Variants in SIM1 observed in about 807,000 individuals in gnomAD.
SIM1 encodes single-minded homolog 1.
A neutral mutation model predicts 78.2 loss-of-function variants in SIM1; 18 were observed. The observed-to-expected ratio is 0.23, with a 90% CI of 0.16 to 0.34. The LOEUF (loss-of-function observed/expected upper bound fraction) is 0.34, where lower values mean the gene tolerates loss of function less well. Ranked by LOEUF, SIM1 falls within the 10% of genes least tolerant of loss-of-function variation. The probability of loss-of-function intolerance (pLI) is 1.00; values close to 1 mark genes in which losing one functional copy is unlikely to be tolerated. For synonymous variants in SIM1, 417 were observed against 385.2 expected, an observed-to-expected ratio of 1.08 and a Z score of -0.97; for missense variants, 939 against 975.1, an observed-to-expected ratio of 0.96 and a Z score of 0.49.
At chr6:100,450,793 T>C (rs2114544349) in intron 3 of SIM1, among the ~76,000 whole-genome samples, 1 of 151,322 alleles carries the variant, frequency 6.6e-6, no homozygotes, top group South Asian at 2.1e-4. Flanking sequence ...TAGCAGGGTT[T>C]GGGAATAGCA....
At chr6:100,447,457 C>T (rs1287537495) in intron 8 of SIM1, 42 bp from the exon 9 acceptor site, 2 of 1,612,610 alleles carry the variant, frequency 1.2e-6, no homozygotes, top group South Asian at 2.2e-5. Context: ...AACCAGCCTG[C>T]CTGGGACTGG....
At chr6:100,433,617 C>T (rs1251913052) in intron 9 of SIM1, among the ~76,000 whole-genome samples, 2 of 151,632 alleles carry the variant, frequency 1.3e-5, no homozygotes, top group African/African-American at 4.9e-5. Flanking sequence ...GCATGCCATC[C>T]CAGCTACTCC....
intron 10 of SIM1, among the ~76,000 whole-genome samples, chr6:100,406,451 G>A (rs1771052567): frequency 6.6e-6 from 1 of 152,124 alleles, no homozygotes; most frequent in African/African-American, 2.4e-5. Flanking sequence ...CTAGAACTAG[G>A]CCAGCAGATT....
chr6:100,420,197 A>G (rs572497986), intron 10 of SIM1, among the ~76,000 whole-genome samples: 1 of 152,164 alleles, frequency 6.6e-6, no homozygotes, highest in Admixed American at 6.5e-5. Context: ...CAGGAATCCT[A>G]TTTGTACCTT....
intron 2 of SIM1, among the ~76,000 whole-genome samples, chr6:100,457,317 G>A (rs1051171063): frequency 6.6e-6 from 1 of 152,188 alleles, no homozygotes; most frequent in African/African-American, 2.4e-5. Context: ...TAATTGAGGT[G>A]CCTTGTAGGC....
intron 9 of SIM1, among the ~76,000 whole-genome samples, chr6:100,423,728 T>C (rs565104736): frequency 6.6e-6 from 1 of 152,344 alleles, no homozygotes; most frequent in South Asian, 2.1e-4. Context: ...CCTTTCTGCA[T>C]GAGAAAAAAC....
chr6:100,412,624 GAAAGAAAGAAAGA>G (rs1242453623), intron 10 of SIM1, among the ~76,000 whole-genome samples: 3 of 78,642 alleles, frequency 3.8e-5, no homozygotes, highest in South Asian at 4.5e-4. Flanking sequence ...AAGAAAGAAG[GAAAGAAAGAAAGA>G]AAAGAAAGAA....
chr6:100,405,203 A>G (rs550819449), intron 10 of SIM1, among the ~76,000 whole-genome samples: 2 of 152,238 alleles, frequency 1.3e-5, no homozygotes, highest in South Asian at 2.1e-4. Context: ...ATTCAATTAC[A>G]TACAGTTCCT....
chr6:100,420,213 G>GTACC (rs1771537175), intron 10 of SIM1, among the ~76,000 whole-genome samples: 2 of 152,046 alleles, frequency 1.3e-5, no homozygotes, highest in Non-Finnish European at 2.9e-5. Context: ...ACCTTGCAGT[G>GTACC]TTTCTGGAAT....
intron 10 of SIM1, among the ~76,000 whole-genome samples, chr6:100,412,632 GA>G (rs1462196035): frequency 1.1e-5 from 1 of 87,448 alleles, no homozygotes; most frequent in Non-Finnish European, 2.3e-5. Flanking sequence ...AGGAAAGAAA[GA>G]AAGAAAAGAA....
Position 100,393,521 on chromosome 6 carries a change from G to A in SIM1, c.1536C>T (p.Ser512=), listed in dbSNP as rs1414642062. Residue 512 remains serine, a synonymous_variant, in exon 11 of 12, where the codon AGC becomes AGT. Coordinates refer to ENST00000369208, the MANE Select transcript of SIM1 (RefSeq NM_005068.3). ...SPESREAYEN[S]MPHIASVHRI... is the part of the protein sequence containing the mutation. ...TGTGGACTGAAGCGATGTGAGGCAT[G>A]CTGTTTTCATAGGCTTCTCTGCTTT... is the stretch of plus-strand genomic sequence containing the variant. The A allele has an allele frequency of 6.3e-7, 1 of 1,575,054 alleles. No individual in the cohort carries two copies. Among genetic ancestry groups the A allele is most frequent in the Non-Finnish European group, 8.6e-7 (1 of 1,157,202 alleles).
At chr6:100,432,157 G>A (rs189038572) in intron 9 of SIM1, among the ~76,000 whole-genome samples, 1 of 152,278 alleles carries the variant, frequency 6.6e-6, no homozygotes, top group Admixed American at 6.5e-5. Context: ...TAAAAAGAGA[G>A]AGAGAGATAA....
chr6:100,459,677 T>C (rs1772785773), intron 2 of SIM1, among the ~76,000 whole-genome samples: 1 of 152,242 alleles, frequency 6.6e-6, no homozygotes, highest in South Asian at 2.1e-4. Context: ...CCTGAGTAGT[T>C]ACTAATTTCA....
At chr6:100,439,468 C>T (rs1018447303) in intron 9 of SIM1, among the ~76,000 whole-genome samples, 11 of 152,116 alleles carry the variant, frequency 7.2e-5, no homozygotes, top group Non-Finnish European at 1.0e-4. Context: ...TCAAAGATTT[C>T]GATGGAACTC....
intron 3 of SIM1, 65 bp from the exon 4 acceptor site, chr6:100,450,421 G>T: frequency 6.9e-7 from 1 of 1,442,970 alleles, no homozygotes; most frequent in Non-Finnish European, 9.7e-7. Context: ...GGGAGCAGGA[G>T]GACAGAAGTT....
intron 4 of SIM1, 131 bp from the exon 5 acceptor site, chr6:100,449,830 A>T (rs1057168176): frequency 1.4e-6 from 1 of 691,898 alleles, no homozygotes; most frequent in Non-Finnish European, 2.5e-6. Flanking sequence ...CTGAGTTCCA[A>T]TGCCAGCTCT....
intron 2 of SIM1, among the ~76,000 whole-genome samples, chr6:100,456,414 G>A (rs1005630237): frequency 6.6e-6 from 1 of 152,240 alleles, no homozygotes; most frequent in African/African-American, 2.4e-5. Flanking sequence ...TGTTTAAAAT[G>A]AGGAGGAAAC....
chr6:100,385,208 C>G lies in SIM1; in HGVS notation c.*5153G>C, dbSNP rs887372755. On this transcript the variant is annotated 3_prime_UTR_variant, in exon 12 of 12. Transcript: ENST00000369208. ...TCCAAAGTAAAATTTCAAATTACAG[C>G]TTTATACTACAATGTCACTAAAAAC... The G allele has an allele frequency of 6.6e-6, 1 of 151,956 alleles. No homozygotes were observed. Among genetic ancestry groups the G allele is most frequent in the Non-Finnish European group, 1.5e-5 (1 of 67,948 alleles). 9.4% of individuals were successfully genotyped at this position (151,956 alleles called of 1,614,324 possible). A position where few individuals can be genotyped will look rare whatever the true frequency, so the allele number is the denominator to read the frequency against.
chr6:100,444,701 G>A (rs1043551796), intron 9 of SIM1, among the ~76,000 whole-genome samples: 2 of 152,002 alleles, frequency 1.3e-5, no homozygotes, highest in Non-Finnish European at 2.9e-5. Context: ...ATTAAAACAA[G>A]GTTGCTAAAT....
Sources: allele counts gnomAD v4.1 joint callset (sites outside exome capture counted in the v4.1 genomes callset), GRCh38; gene constraint gnomAD v4.1.1; transcripts MANE v1.5; gene names NCBI Gene and HGNC (gene_info 2026-07-23, HGNC 2026-07-21).